Variants in BRAF observed in about 807,000 individuals in gnomAD.
BRAF encodes B-Raf proto-oncogene, serine/threonine kinase.
In BRAF, 16 loss-of-function variants were observed where a neutral mutation model predicts 104.6. That is an observed-to-expected ratio of 0.15 (90% confidence interval 0.10 to 0.23). The LOEUF (loss-of-function observed/expected upper bound fraction) is 0.23, where lower values mean the gene tolerates loss of function less well. Among genes scored for constraint, BRAF ranks in the 10% least tolerant of loss-of-function variants. The pLI is 1.00. For synonymous variants in BRAF, 310 were observed against 341.6 expected (o/e 0.91, Z 1.02); for missense variants, 541 against 937.3 (o/e 0.58, Z 5.52).
chr7:140,824,326 A>C (rs1670377428), intron 3 of BRAF: 1 of 152,176 alleles, frequency 6.6e-6, no homozygotes, highest in Non-Finnish European at 1.5e-5. Flanking sequence ...TTCTTTGTAC[A>C]TGGTATAAGG....
chr7:140,874,775 T>A (rs1812026189), intron 1 of BRAF, among the ~76,000 whole-genome samples: 1 of 152,176 alleles, frequency 6.6e-6, no homozygotes, highest in African/African-American at 2.4e-5. Context: ...AATCTCATGT[T>A]CAAATGTAAT....
intron 1 of BRAF, among the ~76,000 whole-genome samples, chr7:140,856,729 G>A (rs556915272): frequency 1.7e-4 from 26 of 152,202 alleles, no homozygotes; most frequent in African/African-American, 6.3e-4. Flanking sequence ...AATCTGGGAG[G>A]TAAACAGGGA....
intron 2 of BRAF, among the ~76,000 whole-genome samples, chr7:140,838,162 A>G (rs754515066): frequency 4.6e-5 from 7 of 152,188 alleles, no homozygotes; most frequent in Non-Finnish European, 8.8e-5. Flanking sequence ...CTTCTCATCA[A>G]AACTCTAAAT....
downstream of BRAF, among the ~76,000 whole-genome samples, chr7:140,715,430 C>A (rs1445416826): frequency 5.9e-5 from 9 of 152,162 alleles, no homozygotes; most frequent in Non-Finnish European, 1.0e-4. Context: ...GTCTTCCACT[C>A]ACCCCCACCC....
At chr7:140,863,747 TTGCTCCTGCCATGTAAGACGCACC>T (rs1476085465) in intron 1 of BRAF, among the ~76,000 whole-genome samples, 1 of 152,142 alleles carries the variant, frequency 6.6e-6, no homozygotes, top group East Asian at 1.9e-4. Context: ...CCCCTACCCC[TTGCTCCTGCCATGTAAGACGCACC>T]TGCTCCTGCT....
chr7:140,872,397 AAAGTT>A (rs1811715632), intron 1 of BRAF, among the ~76,000 whole-genome samples: 1 of 152,242 alleles, frequency 6.6e-6, no homozygotes, highest in Non-Finnish European at 1.5e-5. Context: ...TTATGAGAGT[AAAGTT>A]AATATCCCAG....
chr7:140,903,250 G>C (rs1468715127), intron 1 of BRAF, among the ~76,000 whole-genome samples: 1 of 152,056 alleles, frequency 6.6e-6, no homozygotes, highest in Non-Finnish European at 1.5e-5. Flanking sequence ...TCTTATTAGA[G>C]GCTAATGCAG....
chr7:140,821,516 C>A (rs1317509687), intron 3 of BRAF, among the ~76,000 whole-genome samples: 1 of 151,526 alleles, frequency 6.6e-6, no homozygotes, highest in Non-Finnish European at 1.5e-5. Context: ...GTTGGCCAGG[C>A]TGGTCTCGAA....
chr7:140,840,002 A>G (rs1807765529), intron 2 of BRAF, among the ~76,000 whole-genome samples: 1 of 152,234 alleles, frequency 6.6e-6, no homozygotes, highest in Admixed American at 6.5e-5. Context: ...GAATATGCAG[A>G]TCTTCCACCC....
At chr7:140,797,112 C>A (rs1482172118) in intron 7 of BRAF, among the ~76,000 whole-genome samples, 2 of 152,118 alleles carry the variant, frequency 1.3e-5, no homozygotes, top group Non-Finnish European at 1.5e-5. Context: ...CCCAATGATA[C>A]CTGTACCTAT....
chr7:140,715,479 G>A (rs1405319464), downstream of BRAF, among the ~76,000 whole-genome samples: 1 of 152,066 alleles, frequency 6.6e-6, no homozygotes, highest in Admixed American at 6.5e-5. Flanking sequence ...ATCAATAAAA[G>A]TTTTTTTGGA....
intron 1 of BRAF, among the ~76,000 whole-genome samples, chr7:140,878,428 A>C (rs1427710922): frequency 6.6e-6 from 1 of 152,320 alleles, no homozygotes; most frequent in Admixed American, 6.5e-5. Flanking sequence ...TTCTTCAACA[A>C]AATTAAAACC....
At chr7:140,739,766 A>G (rs376554544) in intron 18 of BRAF, 46 bp downstream of exon 17, 1 of 1,608,720 alleles carries the variant, frequency 6.2e-7, no homozygotes, top group Non-Finnish European at 8.5e-7. Flanking sequence ...AAATCTGTCT[A>G]TGAATGTTAG....
At chr7:140,853,546 G>A (rs901835049) in intron 1 of BRAF, among the ~76,000 whole-genome samples, 5 of 152,048 alleles carry the variant, frequency 3.3e-5, no homozygotes, top group African/African-American at 7.2e-5. Context: ...CTAACTGAAC[G>A]TGCCAAGTAT....
downstream of BRAF, among the ~76,000 whole-genome samples, chr7:140,715,754 C>T (rs1014954325): frequency 6.6e-6 from 1 of 152,156 alleles, no homozygotes; most frequent in East Asian, 1.9e-4. Flanking sequence ...TTAAGTACAA[C>T]ATTTGATTGA....
At chr7:140,735,831 T>TA (rs1306890799) in intron 18 of BRAF, among the ~76,000 whole-genome samples, 6 of 152,126 alleles carry the variant, frequency 3.9e-5, no homozygotes, top group Non-Finnish European at 8.8e-5. Flanking sequence ...GGGCTGGGAT[T>TA]ACAGACATGA....
intron 1 of BRAF, among the ~76,000 whole-genome samples, chr7:140,885,819 G>T (rs1040850256): frequency 1.3e-5 from 2 of 152,206 alleles, no homozygotes; most frequent in African/African-American, 2.4e-5. Context: ...ATTCATATTT[G>T]ATCTGGATCC....
intron 16 of BRAF, among the ~76,000 whole-genome samples, chr7:140,751,184 T>G (rs1033676790): frequency 6.6e-6 from 1 of 152,150 alleles, no homozygotes; most frequent in African/African-American, 2.4e-5. Flanking sequence ...AAAAATTAAT[T>G]GTAAGAAAAT....
chr7:140,911,319 G>A (rs1816944568), intron 1 of BRAF, among the ~76,000 whole-genome samples: 2 of 152,136 alleles, frequency 1.3e-5, no homozygotes, highest in Non-Finnish European at 2.9e-5. Flanking sequence ...CAAATTTGAA[G>A]TGCACAGTAG....
Sources: allele counts gnomAD v4.1 joint callset (sites outside exome capture counted in the v4.1 genomes callset), GRCh38; gene constraint gnomAD v4.1.1; transcripts MANE v1.5; gene names NCBI Gene and HGNC (gene_info 2026-07-23, HGNC 2026-07-21).